The following DLGAP2 variants were observed in gnomAD, a reference collection of about 807,000 sequenced individuals.
The protein encoded by DLGAP2 is disks large-associated protein 2.
DLGAP2 carries 26 observed loss-of-function variants against 100.3 expected under a neutral mutation model. The ratio of observed to expected loss-of-function variants is 0.26; its 90% CI spans 0.19 to 0.36. The LOEUF is 0.36. Among genes scored for constraint, DLGAP2 ranks in the 10% least tolerant of loss-of-function variants. The pLI is 1.00. For synonymous variants in DLGAP2, 886 were observed against 630.1 expected (o/e 1.41, Z -6.08); for missense variants, 1,858 against 1,453.2 (o/e 1.28, Z -4.53).
At chr8:1,232,805 G>A (rs777934078) in intron 2 of DLGAP2, among the ~76,000 whole-genome samples, 3 of 152,162 alleles carry the variant, frequency 2.0e-5, no homozygotes, top group Non-Finnish European at 4.4e-5. Flanking sequence ...TGTAGTAAAC[G>A]TATCGCAAGG....
At chr8:862,880 T>C (rs979892929) in intron 1 of DLGAP2, among the ~76,000 whole-genome samples, 2 of 152,212 alleles carry the variant, frequency 1.3e-5, no homozygotes, top group African/African-American at 2.4e-5. Flanking sequence ...ATTTTACTTA[T>C]TAACATACAT....
At chr8:1,461,323 T>C (rs1418002205) in intron 3 of DLGAP2, among the ~76,000 whole-genome samples, 1 of 62,094 alleles carries the variant, frequency 1.6e-5, no homozygotes, top group Admixed American at 1.8e-4. Context: ...GGGTGGCATT[T>C]GGGTTGGGAG....
At chr8:1,449,631 G>T (rs914472315) in intron 3 of DLGAP2, among the ~76,000 whole-genome samples, 2 of 152,212 alleles carry the variant, frequency 1.3e-5, no homozygotes, top group African/African-American at 2.4e-5. Context: ...CAATGCTGAG[G>T]CTGAGGGTCC....
chr8:1,677,545 C>A (rs1438558303), intron 11 of DLGAP2, among the ~76,000 whole-genome samples: 1 of 152,198 alleles, frequency 6.6e-6, no homozygotes, highest in Non-Finnish European at 1.5e-5. Flanking sequence ...CACACAGGCA[C>A]ACGATACAGA....
At chr8:947,384 G>A (rs17667590) in intron 2 of DLGAP2, among the ~76,000 whole-genome samples, 17,504 of 152,238 alleles carry the variant, frequency 0.11, 1,529 homozygotes, top group Admixed American at 0.27. Flanking sequence ...GTAATTTTGC[G>A]GGAAGGATTT....
intron 3 of DLGAP2, among the ~76,000 whole-genome samples, chr8:1,357,175 C>T (rs1002375711): frequency 2.6e-5 from 4 of 152,084 alleles, no homozygotes; most frequent in Non-Finnish European, 5.9e-5. Context: ...GGAAACGAGC[C>T]GCTGGGGATC....
At chr8:1,162,355 AAC>A (rs1389763662) in intron 2 of DLGAP2, among the ~76,000 whole-genome samples, 1 of 152,234 alleles carries the variant, frequency 6.6e-6, no homozygotes, top group Non-Finnish European at 1.5e-5. Flanking sequence ...TGGCTGAAAC[AAC>A]ACACACTGGT....
intron 3 of DLGAP2, among the ~76,000 whole-genome samples, chr8:1,337,703 A>G (rs961538825): frequency 1.3e-5 from 2 of 152,152 alleles, no homozygotes; most frequent in Non-Finnish European, 2.9e-5. Context: ...AAACAGACAA[A>G]CTTTATTGAC....
chr8:1,187,711 C>A (rs1322287987), intron 2 of DLGAP2, among the ~76,000 whole-genome samples: 3 of 137,674 alleles, frequency 2.2e-5, no homozygotes, highest in East Asian at 4.5e-4. Flanking sequence ...TGTGACGTTT[C>A]CCTCACGGAA....
intron 3 of DLGAP2, among the ~76,000 whole-genome samples, chr8:1,363,800 G>C (rs879781178): frequency 6.6e-6 from 1 of 152,196 alleles, no homozygotes; most frequent in East Asian, 1.9e-4. Flanking sequence ...CCAGGCCTCA[G>C]AGGCTGCGGG....
At chr8:1,425,413 C>A (rs1224951694) in intron 3 of DLGAP2, among the ~76,000 whole-genome samples, 2 of 152,170 alleles carry the variant, frequency 1.3e-5, no homozygotes, top group Non-Finnish European at 2.9e-5. Context: ...TCGACAGCAT[C>A]GCCCATGGTA....
intron 1 of DLGAP2, among the ~76,000 whole-genome samples, chr8:761,610 C>A (rs1203059597): frequency 6.6e-6 from 1 of 152,192 alleles, no homozygotes; most frequent in Non-Finnish European, 1.5e-5. Context: ...CCTCCATGCA[C>A]CCTTAGGGAA....
chr8:1,387,913 G>T (rs1459402002), intron 3 of DLGAP2, among the ~76,000 whole-genome samples: 1 of 152,208 alleles, frequency 6.6e-6, no homozygotes, highest in African/African-American at 2.4e-5. Context: ...GTTCACCTGG[G>T]GGTCTGGAGC....
At chr8:1,267,593 T>TAAAATAAAATAAAATAAA (rs1188791222) in intron 3 of DLGAP2, among the ~76,000 whole-genome samples, 1 of 34,464 alleles carries the variant, frequency 2.9e-5, no homozygotes, top group Non-Finnish European at 6.2e-5. Flanking sequence ...TAAAATAAGA[T>TAAAATAAAATAAAATAAA]AAGATAAGAT....
At chr8:1,060,910 G>C (rs962470072) in intron 2 of DLGAP2, among the ~76,000 whole-genome samples, 2 of 152,200 alleles carry the variant, frequency 1.3e-5, no homozygotes, top group East Asian at 1.9e-4. Flanking sequence ...TCTTAGGGAA[G>C]GGAGACTTAC....
intron 2 of DLGAP2, among the ~76,000 whole-genome samples, chr8:935,659 G>T (rs1217718803): frequency 2.6e-5 from 4 of 152,090 alleles, no homozygotes; most frequent in African/African-American, 9.7e-5. Flanking sequence ...CCTCAGTCGT[G>T]TTCTGTCATC....
intron 2 of DLGAP2, among the ~76,000 whole-genome samples, chr8:916,145 C>T (rs571280587): frequency 5.3e-5 from 8 of 152,216 alleles, no homozygotes; most frequent in Non-Finnish European, 1.2e-4. Flanking sequence ...TGTAGACGCT[C>T]CGCACTCTCT....
At chr8:1,288,026 T>A (rs1309569637) in intron 3 of DLGAP2, among the ~76,000 whole-genome samples, 1 of 72,400 alleles carries the variant, frequency 1.4e-5, no homozygotes, top group East Asian at 3.4e-4. Context: ...GGGACTAGTT[T>A]CGGTTGAGTG....
chr8:1,182,220 C>A (rs1343469938), intron 2 of DLGAP2, among the ~76,000 whole-genome samples: 1 of 152,222 alleles, frequency 6.6e-6, no homozygotes, highest in Non-Finnish European at 1.5e-5. Flanking sequence ...AACCACTGTG[C>A]GTTCCCAACA....
Sources: allele counts gnomAD v4.1 joint callset (sites outside exome capture counted in the v4.1 genomes callset), GRCh38; gene constraint gnomAD v4.1.1; transcripts MANE v1.5; gene names NCBI Gene and HGNC (gene_info 2026-07-23, HGNC 2026-07-21).